The following NHSL1 variants were observed in gnomAD, a reference collection of about 807,000 sequenced individuals.
NHSL1 encodes NHS like 1, also known as NHS-like protein 1.
A neutral mutation model predicts 95.0 loss-of-function variants in NHSL1; 48 were observed. The ratio of observed to expected loss-of-function variants is 0.51; its 90% CI spans 0.40 to 0.64. The LOEUF is 0.64. NHSL1 is among the 30% of genes least tolerant of loss of function. The pLI is 0.00. For synonymous variants in NHSL1, 783 were observed against 833.9 expected (o/e 0.94, Z 1.05); for missense variants, 1,971 against 2,077.7 (o/e 0.95, Z 1.00).
intron 1 of NHSL1, chr6:138,571,450 T>C (rs562249029): frequency 1.9e-5 from 8 of 429,964 alleles, no homozygotes; most frequent in Non-Finnish European, 3.4e-5. Context: ...CATGTGGCTC[T>C]GATGGAGGGA....
intron 2 of NHSL1, among the ~76,000 whole-genome samples, chr6:138,486,088 G>A (rs1238066200): frequency 6.6e-6 from 1 of 152,226 alleles, no homozygotes; most frequent in East Asian, 1.9e-4. Context: ...GCCCTGAGTT[G>A]ACTGCCTCCT....
intron 1 of NHSL1, among the ~76,000 whole-genome samples, chr6:138,623,171 G>A (rs957794888): frequency 2.6e-5 from 4 of 152,162 alleles, no homozygotes; most frequent in Non-Finnish European, 5.9e-5. Context: ...ATGGGAATGT[G>A]GGCAAAAGGC....
upstream of NHSL1, among the ~76,000 whole-genome samples, chr6:138,504,475 C>T (rs1449805315): frequency 1.3e-5 from 2 of 152,190 alleles, no homozygotes; most frequent in Admixed American, 6.5e-5. Flanking sequence ...AAAGGACCAC[C>T]TGCTATTAGA....
rs141003978 is a variant in NHSL1, at chr6:138,431,881, C to A, written c.2464G>T (p.Ala822Ser). 6.4e-7 allele frequency: 1 copy of A among 1,551,632 alleles called. No individual in the cohort carries two copies. Among genetic ancestry groups the A allele is most frequent in the African/African-American group, 1.4e-5 (1 of 73,054 alleles). The change falls in exon 6 of 8, where the codon GCC becomes TCC. Residue 822 changes from alanine to serine, a missense_variant. Coordinates refer to ENST00000343505, the MANE Select transcript of NHSL1 (RefSeq NM_001144060.2). The surrounding 1 kb of genome is among the most constrained non-coding windows in gnomAD (Gnocchi z 4.0). Reference sequence around the variant, plus strand: ...CCACCGGGCACTTGGGGCATTGTGGCTCTGGACCCTTCTTGGACATGGCGG... The same window carrying A: ...CCACCGGGCACTTGGGGCATTGTGGATCTGGACCCTTCTTGGACATGGCGG... ...PVRHVQEGSR[A>S]TMPQVPGGSV...
chr6:138,499,995 T>TG (rs1780588159), upstream of NHSL1, among the ~76,000 whole-genome samples: 1 of 152,108 alleles, frequency 6.6e-6, no homozygotes, highest in Non-Finnish European at 1.5e-5. Context: ...TGCTCTGTCT[T>TG]CTCACCCTTC....
chr6:138,672,519 A>C (rs572306049), intron 1 of NHSL1, among the ~76,000 whole-genome samples: 1 of 152,292 alleles, frequency 6.6e-6, no homozygotes, highest in East Asian at 1.9e-4. Context: ...AGCTCAGTCT[A>C]GGTCTGTGAA....
chr6:138,688,494 A>T (rs898549213), intron 1 of NHSL1, among the ~76,000 whole-genome samples: 7 of 151,898 alleles, frequency 4.6e-5, no homozygotes, highest in African/African-American at 1.7e-4. Flanking sequence ...AAATACAAAA[A>T]TTAGCCAGGC....
intron 1 of NHSL1, among the ~76,000 whole-genome samples, chr6:138,592,180 A>C (rs527402204): frequency 6.6e-5 from 10 of 152,352 alleles, no homozygotes; most frequent in African/African-American, 2.2e-4. Context: ...ATCACTTTTC[A>C]AGATTGCACA....
intron 1 of NHSL1, among the ~76,000 whole-genome samples, chr6:138,663,730 G>A (rs1785260073): frequency 1.3e-5 from 2 of 152,050 alleles, no homozygotes; most frequent in Admixed American, 1.3e-4. Flanking sequence ...AAATAGCCAG[G>A]TGTGGTGGTG....
chr6:138,444,836 A>G (rs955684227), intron 4 of NHSL1, among the ~76,000 whole-genome samples: 1 of 152,236 alleles, frequency 6.6e-6, no homozygotes, highest in Non-Finnish European at 1.5e-5. Context: ...TTTAAGAAAT[A>G]TGTGTGTATA....
At chr6:138,564,130 A>G (rs946023017) in intron 1 of NHSL1, among the ~76,000 whole-genome samples, 1 of 152,198 alleles carries the variant, frequency 6.6e-6, no homozygotes, top group Non-Finnish European at 1.5e-5. Context: ...GAAAACACCA[A>G]AAGTATGCCA....
At chr6:138,642,915 T>A (rs1249356540) in intron 1 of NHSL1, among the ~76,000 whole-genome samples, 1 of 152,178 alleles carries the variant, frequency 6.6e-6, no homozygotes, top group Non-Finnish European at 1.5e-5. Context: ...CCCAAAGTAT[T>A]TCACTCTAAG....
intron 1 of NHSL1, among the ~76,000 whole-genome samples, chr6:138,520,628 G>T (rs1292147744): frequency 6.6e-6 from 1 of 152,038 alleles, no homozygotes; most frequent in Non-Finnish European, 1.5e-5. Context: ...CCTTGACCAA[G>T]TTAATCTCCC....
chr6:138,647,689 C>T (rs1032067669), intron 1 of NHSL1, among the ~76,000 whole-genome samples: 1 of 151,394 alleles, frequency 6.6e-6, no homozygotes, highest in Non-Finnish European at 1.5e-5. Flanking sequence ...GCAACCTCCA[C>T]CTCAGGGTTC....
chr6:138,475,226 CT>C (rs891111508), intron 2 of NHSL1, among the ~76,000 whole-genome samples: 117 of 143,198 alleles, frequency 8.2e-4, no homozygotes, highest in African/African-American at 1.0e-3. Context: ...TAGTTTTCTT[CT>C]TTTTTTTTTT....
chr6:138,565,505 C>G (rs2114361300), intron 1 of NHSL1, among the ~76,000 whole-genome samples: 1 of 152,216 alleles, frequency 6.6e-6, no homozygotes, highest in Admixed American at 6.5e-5. Flanking sequence ...GACAGAAGAT[C>G]ATTTAGAAGT....
chr6:138,568,516 C>G (rs1050029714), intron 1 of NHSL1, among the ~76,000 whole-genome samples: 3 of 152,216 alleles, frequency 2.0e-5, no homozygotes, highest in Non-Finnish European at 4.4e-5. Context: ...TCATCTACTA[C>G]TGTAGTGGGT....
intron 1 of NHSL1, among the ~76,000 whole-genome samples, chr6:138,612,436 GTACC>G (rs1784526930): frequency 6.6e-6 from 1 of 152,160 alleles, no homozygotes; most frequent in Non-Finnish European, 1.5e-5. Context: ...AAGTATAAAT[GTACC>G]AGTATGTAAT....
chr6:138,671,404 C>T (rs1445239417), intron 1 of NHSL1, among the ~76,000 whole-genome samples: 3 of 150,782 alleles, frequency 2.0e-5, no homozygotes, highest in Admixed American at 1.3e-4. Flanking sequence ...GAGCCAAGAT[C>T]GCGCCACTGC....
Sources: gnomAD v4.1 joint callset for allele counts (sites outside exome capture counted in the v4.1 genomes callset) on GRCh38, gnomAD v4.1.1 for gene constraint, Gnocchi (gnomAD v3.1) non-coding constraint, MANE v1.5 for transcripts, NCBI Gene and HGNC (gene_info 2026-07-23, HGNC 2026-07-21) for gene names.